P2RY11: variants seen among roughly 807,000 people sequenced by gnomAD.
The protein encoded by P2RY11 is P2Y purinoceptor 11.
P2RY11 carries 3 observed loss-of-function variants against 2.4 expected under a neutral mutation model. That is an observed-to-expected ratio of 1.22 (90% CI 0.56 to 3.17). P2RY11 has a LOEUF of 3.17. Ranked by LOEUF, P2RY11 falls within the 30% of genes most tolerant of loss-of-function variation. The pLI is 0.03. For missense variants in P2RY11, 670 were observed against 528.2 expected, an observed-to-expected ratio of 1.27 and a Z score of -2.63; for synonymous variants, 307 against 237.3, an observed-to-expected ratio of 1.29 and a Z score of -2.70.
Position 10,114,966 on chromosome 19 carries a change from A to G in P2RY11, c.*228A>G, listed in dbSNP as rs1427978506. 7.0e-7 allele frequency: 1 copy of G among 1,422,558 alleles called. No individual in the cohort carries two copies. Among genetic ancestry groups the G allele is most frequent in the Non-Finnish European group, 9.7e-7 (1 of 1,034,276 alleles). The allele number at this position is 1,422,558 out of a possible 1,614,324, so 88.1% of individuals were successfully genotyped here. A position where few individuals can be genotyped will look rare whatever the true frequency, so the allele number is the denominator to read the frequency against. On this transcript the variant is annotated 3_prime_UTR_variant, in exon 2 of 2. Coordinates refer to ENST00000321826, the MANE Select transcript of P2RY11 (RefSeq NM_002566.5). ...AGACCACGCCCAGAGGAGGGGAGGC[A>G]CTGGCCCCCGCCACAGGACTGGAGA... is the stretch of plus-strand genomic sequence containing the variant.
Position 10,115,039 on chromosome 19 carries a change from C to T in P2RY11, c.*301C>T. On this transcript the variant is annotated 3_prime_UTR_variant, in exon 2 of 2. Transcript: ENST00000321826. Reference sequence around the variant, plus strand: ...TAGAGAGAGTGGAGCTGCTTTATTGCCCTTGGAGCCCGCGCTCTCGGAGGC... The same window carrying T: ...TAGAGAGAGTGGAGCTGCTTTATTGTCCTTGGAGCCCGCGCTCTCGGAGGC... 2.5e-6 allele frequency: 4 copies of T among 1,599,160 alleles called. No individual in the cohort carries two copies. The East Asian group carries it at 9.0e-5, about 36-fold the overall frequency.
rs772204184 is a variant in P2RY11, at chr19:10,114,670, G to A, written c.1057G>A (p.Ala353Thr). The A allele has an allele frequency of 7.7e-5, 124 of 1,613,748 alleles. No individual in the cohort carries two copies. Among genetic ancestry groups the A allele is most frequent in the Non-Finnish European group, 1.0e-4 (120 of 1,179,906 alleles). The stretch of plus-strand genomic sequence containing the variant: ...AGAGGACGCCAAGAGCACTGGCCAA[G>A]CCCTGCCCCTCAATGCCACAGCCGC... ...NPEDAKSTGQ[A>T]LPLNATAAPK... Residue 353 changes from alanine to threonine, a missense_variant, in exon 2 of 2, where the codon GCC becomes ACC. Ala to Thr is a moderately conservative substitution (Grantham distance 58, BLOSUM62 0). Transcript: ENST00000321826.
intron 1 of P2RY11, chr19:10,112,290 G>A (rs970257324): frequency 2.6e-5 from 4 of 153,848 alleles, no homozygotes; most frequent in East Asian, 1.9e-4. Context: ...AAAAAGCCAC[G>A]TCTAGACGAC....
chr19:10,114,053 G>C lies in P2RY11; in HGVS notation c.440G>C (p.Trp147Ser), dbSNP rs1024257013. ...ARSHLRPKHAWAVSAAGWVLA... is the reference protein window; with the variant it reads ...ARSHLRPKHASAVSAAGWVLA... ...AGCCACCTGCGACCCAAGCACGCCT[G>C]GGCCGTGAGCGCTGCCGGCTGGGTC... is the stretch of plus-strand genomic sequence containing the variant. Residue 147 changes from tryptophan (W) to serine (S), a missense_variant, in exon 2 of 2, where the codon TGG becomes TCG. Trp to Ser is a radical substitution (Grantham distance 177). Coordinates refer to ENST00000321826, the MANE Select transcript of P2RY11 (RefSeq NM_002566.5). 6.2e-6 allele frequency: 10 copies of C among 1,600,698 alleles called. No individual in the cohort carries two copies. The highest frequency in any genetic ancestry group is 7.6e-6 in the Non-Finnish European group (9 of 1,179,478).
rs769433736 is a variant in P2RY11 at position 10,114,143 on chromosome 19, C to T, written c.530C>T (p.Ala177Val). The T allele has an allele frequency of 1.7e-5, 27 of 1,600,958 alleles. No homozygotes were observed. Among genetic ancestry groups the T allele is most frequent in the East Asian group, 1.1e-4 (5 of 44,870 alleles). ...FSHLKRPQQG[A>V]GNCSVARPEA... ...CACCTGAAGAGGCCGCAGCAGGGGG[C>T]GGGCAACTGCAGCGTGGCCAGGCCC... is the stretch of plus-strand genomic sequence containing the variant. The change falls in exon 2 of 2, where the codon GCG becomes GTG. Residue 177 changes from alanine to valine, a missense_variant. Coordinates refer to ENST00000321826, the MANE Select transcript of P2RY11 (RefSeq NM_002566.5).
chr19:10,113,677 AAACTC>A lies in P2RY11; in HGVS notation c.66_70del (p.Leu23TrpfsTer14). 5 of 1,593,236 alleles carry A rather than the reference AAACTC, an allele frequency of 3.1e-6. No homozygotes were observed. Among genetic ancestry groups the A allele is most frequent in the African/African-American group, 1.3e-5 (1 of 74,386 alleles). On this transcript the variant is annotated frameshift_variant, in exon 2 of 2. Transcript: ENST00000321826. LOFTEE classifies it low-confidence loss of function (END_TRUNC). ...CAACTTCTTGGCAGCTGCCGACGAC[AAACTC>A]AGTGGGTTCCAGGGGGACTTCCTGT... is the stretch of plus-strand genomic sequence containing the variant.
Position 10,113,675 on chromosome 19 carries a change from ACAAACTCAGTGG to A in P2RY11, c.63_74del (p.Asp21_Gly25delinsGlu). On this transcript the variant is annotated inframe_deletion, in exon 2 of 2. Transcript: ENST00000321826. ...GCCAACTTCTTGGCAGCTGCCGACG[ACAAACTCAGTGG>A]GTTCCAGGGGGACTTCCTGTGGCCC... 2 of 1,612,750 alleles carry A rather than the reference ACAAACTCAGTGG, an allele frequency of 1.2e-6. No individual in the cohort carries two copies. Among genetic ancestry groups the A allele is most frequent in the Admixed American group, 1.7e-5 (1 of 59,830 alleles).
chr19:10,115,253 G>T lies in P2RY11; in HGVS notation c.*515G>T. Reference sequence around the variant, plus strand: ...GTAATGTGAGGACGAAGCGGGCACGGAGCCAGATGGCCAGTCTCCAGGCCT... The same window carrying T: ...GTAATGTGAGGACGAAGCGGGCACGTAGCCAGATGGCCAGTCTCCAGGCCT... On this transcript the variant is annotated 3_prime_UTR_variant, in exon 2 of 2. Transcript: ENST00000321826. The T allele has an allele frequency of 2.3e-6, 3 of 1,313,442 alleles. No individual in the cohort carries two copies. Among genetic ancestry groups the T allele is most frequent in the Non-Finnish European group, 3.1e-6 (3 of 955,884 alleles). The allele number at this position is 1,313,442 out of a possible 1,614,324, so 81.4% of individuals were successfully genotyped here. A position where few individuals can be genotyped will look rare whatever the true frequency, so the allele number is the denominator to read the frequency against.
In P2RY11 at chr19:10,115,068, C is replaced by G. The variant is rs760709863; in HGVS notation, c.*330C>G. Reference sequence around the variant, plus strand: ...TGGAGCCCGCGCTCTCGGAGGCTGTCTTCTGTCGCCAAGGGTCCCGGACCG... The same window carrying G: ...TGGAGCCCGCGCTCTCGGAGGCTGTGTTCTGTCGCCAAGGGTCCCGGACCG... On this transcript the variant is annotated 3_prime_UTR_variant, in exon 2 of 2. Coordinates refer to ENST00000321826, the MANE Select transcript of P2RY11 (RefSeq NM_002566.5). 6.2e-7 allele frequency: 1 copy of G among 1,613,492 alleles called. No individual in the cohort carries two copies. The highest frequency in any genetic ancestry group is 8.5e-7 in the Non-Finnish European group (1 of 1,179,872).
chr19:10,113,221 C>T lies in P2RY11; in HGVS notation c.20-412C>T, dbSNP rs550379820. ...GGCCACGGGGAGAAGAGGCTTTGGG[C>T]GGCGGCGGGTGCCAAGGTCAGGGCA... On this transcript the variant is annotated intron_variant, in intron 1 of 1. Coordinates refer to ENST00000321826, the MANE Select transcript of P2RY11 (RefSeq NM_002566.5). 3.9e-5 allele frequency among the ~76,000 whole-genome samples: 6 copies of T among 152,262 alleles called. No homozygotes were observed. The East Asian group carries it at 7.7e-4, about 20-fold the overall frequency.
intron 1 of P2RY11, 145 bp downstream of exon 1, chr19:10,111,885 G>A (rs193199263): frequency 3.5e-6 from 3 of 860,410 alleles, no homozygotes; most frequent in Non-Finnish European, 5.5e-6. Flanking sequence ...GTCGAGGGGG[G>A]TGGAACACGA....
chr19:10,115,186 A>G lies in P2RY11; in HGVS notation c.*448A>G, dbSNP rs2089219270. On this transcript the variant is annotated 3_prime_UTR_variant, in exon 2 of 2. Coordinates refer to ENST00000321826, the MANE Select transcript of P2RY11 (RefSeq NM_002566.5). The stretch of plus-strand genomic sequence containing the variant: ...TTCTGGGGGCACCCCAAGACCCCAG[A>G]CACCCAAGTGGCATCTTGGGGGTGG... 1.9e-6 allele frequency: 3 copies of G among 1,604,922 alleles called. No homozygotes were observed. Among genetic ancestry groups the G allele is most frequent in the Middle Eastern group, 1.7e-4 (1 of 6,028 alleles).
In P2RY11 at chr19:10,114,296, TCGGG is replaced by T. The variant is rs2089192420; in HGVS notation, c.689_692del (p.Arg230ProfsTer8). ...CTCACGCTGGCAGCCTACGGCGCCC[TCGGG>T]CGGGCCGTGCTACGCAGCCCAGGCA... On this transcript the variant is annotated frameshift_variant, in exon 2 of 2. Coordinates refer to ENST00000321826, the MANE Select transcript of P2RY11 (RefSeq NM_002566.5). LOFTEE classifies it low-confidence loss of function (END_TRUNC). 4.4e-6 allele frequency: 7 copies of T among 1,597,898 alleles called. 1 individual carries two copies. In the East Asian group the frequency reaches 1.6e-4, roughly 36 times the overall value.
At chr19:10,113,372 G>A (rs2089158882) in intron 1 of P2RY11, among the ~76,000 whole-genome samples, 1 of 152,162 alleles carries the variant, frequency 6.6e-6, no homozygotes, top group East Asian at 1.9e-4. Flanking sequence ...GGGGAGTAGG[G>A]TGGCCGCTGT....
rs2089204047 is a variant in P2RY11 at position 10,114,665 on chromosome 19, G to A, written c.1052G>A (p.Gly351Asp). The A allele has an allele frequency of 6.2e-7, 1 of 1,613,952 alleles. No homozygotes were observed. The change falls in exon 2 of 2, where the codon GGC becomes GAC. Residue 351 changes from glycine (G) to aspartate (D), a missense_variant. Coordinates refer to ENST00000321826, the MANE Select transcript of P2RY11 (RefSeq NM_002566.5). ...SWNPEDAKST[G>D]QALPLNATAA... is the part of the protein sequence containing the mutation. ...AACCCAGAGGACGCCAAGAGCACTG[G>A]CCAAGCCCTGCCCCTCAATGCCACA... is the stretch of plus-strand genomic sequence containing the variant.
chr19:10,112,647 G>A (rs549979480), intron 1 of P2RY11, among the ~76,000 whole-genome samples: 2 of 152,134 alleles, frequency 1.3e-5, no homozygotes, highest in Non-Finnish European at 2.9e-5. Flanking sequence ...CCTCAAGAAT[G>A]TCTGGGTGTG....
Position 10,114,538 on chromosome 19 carries a change from C to T in P2RY11, c.925C>T (p.Leu309Phe), listed in dbSNP as rs2089199103. The change falls in exon 2 of 2, where the codon CTC (leucine) becomes TTC (phenylalanine). Residue 309 changes from leucine (L) to phenylalanine (F), a missense_variant. Transcript: ENST00000321826. ...CGTGGGCTACCAGGTGATGCGGGGC[C>T]TCATGCCCCTGGCCTTCTGTGTCCA... ...PYVGYQVMRGLMPLAFCVHPL... is the reference protein window; with the variant it reads ...PYVGYQVMRGFMPLAFCVHPL... 23 of 1,611,668 alleles carry T rather than the reference C, an allele frequency of 1.4e-5. No individual in the cohort carries two copies. Among genetic ancestry groups the T allele is most frequent in the Non-Finnish European group, 2.0e-5 (23 of 1,178,612 alleles).
At position 10,114,307 on chromosome 19, in the gene P2RY11, G is replaced by A. The variant is rs781378023; in HGVS notation, c.694G>A (p.Val232Met). Reference protein sequence around the residue: ...LAAYGALGRAVLRSPGMTVAE... With the variant: ...LAAYGALGRAMLRSPGMTVAE... ...AGCCTACGGCGCCCTCGGGCGGGCC[G>A]TGCTACGCAGCCCAGGCATGACTGT... is the stretch of plus-strand genomic sequence containing the variant. Residue 232 changes from valine to methionine, a missense_variant, in exon 2 of 2, where the codon GTG becomes ATG. Coordinates refer to ENST00000321826, the MANE Select transcript of P2RY11 (RefSeq NM_002566.5). 3.0e-5 allele frequency: 48 copies of A among 1,598,158 alleles called. No individual in the cohort carries two copies. The highest frequency in any genetic ancestry group is 4.5e-5 in the East Asian group (2 of 44,746).
At position 10,113,703 on chromosome 19, in the gene P2RY11, C is replaced by T; in HGVS notation, c.90C>T (p.Phe30=). The T allele has an allele frequency of 6.2e-7, 1 of 1,613,186 alleles. No homozygotes were observed. The highest frequency in any genetic ancestry group is 8.5e-7 in the Non-Finnish European group (1 of 1,179,412). Reference sequence around the variant, plus strand: ...AACTCAGTGGGTTCCAGGGGGACTTCCTGTGGCCCATACTGGTGGTTGAGT... The same window carrying T: ...AACTCAGTGGGTTCCAGGGGGACTTTCTGTGGCCCATACTGGTGGTTGAGT... ...DDKLSGFQGD[F]LWPILVVEFL... is the part of the protein sequence containing the mutation. The change falls in exon 2 of 2, where the codon TTC becomes TTT. Residue 30 remains phenylalanine, a synonymous_variant. Coordinates refer to ENST00000321826, the MANE Select transcript of P2RY11 (RefSeq NM_002566.5).
Sources: allele counts gnomAD v4.1 joint callset (sites outside exome capture counted in the v4.1 genomes callset), GRCh38; gene constraint gnomAD v4.1.1; transcripts MANE v1.5; gene names NCBI Gene and HGNC (gene_info 2026-07-23, HGNC 2026-07-21).